NIPSNAP1: variants seen among roughly 807,000 people sequenced by gnomAD.
NIPSNAP1 encodes protein NipSnap homolog 1.
Under a neutral mutation model 49.2 loss-of-function variants are expected in NIPSNAP1, and 25 were observed. The observed-to-expected ratio is 0.51, with a 90% CI of 0.37 to 0.71. The LOEUF (loss-of-function observed/expected upper bound fraction) is 0.71. Among genes scored for constraint, NIPSNAP1 ranks in the 30% least tolerant of loss-of-function variants. The probability of loss-of-function intolerance (pLI) is 0.00; values close to 1 mark genes in which losing one functional copy is unlikely to be tolerated. For missense variants in NIPSNAP1, 294 were observed against 361.0 expected (o/e 0.81, Z 1.50); for synonymous variants, 143 against 140.7 (o/e 1.02, Z -0.12).
At position 29,569,478 on chromosome 22, in the gene NIPSNAP1, C is replaced by T. The variant is rs571198970; in HGVS notation, c.273-191G>A. Reference sequence around the variant, plus strand: ...TACATCCTGGCTGGGCACAGTGGCTCACACCTGTAATCCCAACACTGGGAG... The same window carrying T: ...TACATCCTGGCTGGGCACAGTGGCTTACACCTGTAATCCCAACACTGGGAG... On this transcript the variant is annotated intron_variant, in intron 3 of 9. Transcript: ENST00000216121. Among the ~76,000 whole-genome samples the T allele has an allele frequency of 2.0e-5, 3 of 152,116 alleles. No individual in the cohort carries two copies. In the South Asian group the frequency reaches 6.2e-4, roughly 32 times the overall value.
intron 1 of NIPSNAP1, among the ~76,000 whole-genome samples, chr22:29,577,355 G>C (rs1167603672): frequency 2.0e-5 from 3 of 149,506 alleles, no homozygotes; most frequent in Admixed American, 2.0e-4. Context: ...CAGGTTCAAG[G>C]GATTCTCCTG....
At chr22:29,561,397 C>T (rs556022665) in intron 6 of NIPSNAP1, 109 bp downstream of exon 6, 5 of 1,529,772 alleles carry the variant, frequency 3.3e-6, no homozygotes, top group African/African-American at 2.7e-5. Context: ...GCTCTGAGCC[C>T]ATAGGGAGGG....
intron 1 of NIPSNAP1, among the ~76,000 whole-genome samples, chr22:29,575,497 G>C (rs1288779911): frequency 1.3e-5 from 2 of 152,004 alleles, no homozygotes; most frequent in African/African-American, 4.8e-5. Flanking sequence ...CATCCCCAAG[G>C]GTACATCTGC....
Position 29,556,004 on chromosome 22 carries a change from G to A in NIPSNAP1, c.791-5C>T, listed in dbSNP as rs111625466. Reference sequence around the variant, plus strand: ...CCATGTGTCGCACCAGGGGGACTGCGGAGAGAGAAGGCAGAGGTCACACAG... The same window carrying A: ...CCATGTGTCGCACCAGGGGGACTGCAGAGAGAGAAGGCAGAGGTCACACAG... On this transcript the variant is annotated splice_region_variant and splice_polypyrimidine_tract_variant and intron_variant, in intron 9 of 9. Coordinates refer to ENST00000216121, the MANE Select transcript of NIPSNAP1 (RefSeq NM_003634.4). The A allele has an allele frequency of 3.1e-5, 48 of 1,545,906 alleles. No individual in the cohort carries two copies. In the Admixed American group the frequency reaches 3.4e-4, roughly 11 times the overall value.
Position 29,569,263 on chromosome 22 carries a change from G to A in NIPSNAP1, c.297C>T (p.His99=). 1 of 1,613,958 alleles carries A rather than the reference G, an allele frequency of 6.2e-7. No homozygotes were observed. Among genetic ancestry groups the A allele is most frequent in the East Asian group, 2.2e-5 (1 of 44,868 alleles). The change falls in exon 4 of 10, where the codon CAC becomes CAT. Residue 99 remains histidine (H), a synonymous_variant. Transcript: ENST00000216121. ...GTGAGCATGGGTAGTCCTCATCCAGGTGAAGCTTGGGCAGCACAGCCTCCC... is the reference window on the plus strand; with the variant it reads ...GTGAGCATGGGTAGTCCTCATCCAGATGAAGCTTGGGCAGCACAGCCTCCC... ...SLTEAVLPKL[H]LDEDYPCSLV... is the part of the protein sequence containing the mutation.
chr22:29,578,252 T>G (rs1052051344), intron 1 of NIPSNAP1, among the ~76,000 whole-genome samples: 1 of 150,366 alleles, frequency 6.7e-6, no homozygotes, highest in Non-Finnish European at 1.5e-5. Context: ...GCCAAGCTGG[T>G]CTTGAACTCC....
At position 29,555,833 on chromosome 22, in the gene NIPSNAP1, C is replaced by T. The variant is rs1259426308; in HGVS notation, c.*102G>A. Reference sequence around the variant, plus strand: ...GAACTGAGCACTGCCCCTCAGAGTCCTCCCAGAGCCAAGACAAAACCAAGA... The same window carrying T: ...GAACTGAGCACTGCCCCTCAGAGTCTTCCCAGAGCCAAGACAAAACCAAGA... On this transcript the variant is annotated 3_prime_UTR_variant, in exon 10 of 10. Transcript: ENST00000216121. 2 of 1,079,112 alleles carry T rather than the reference C, an allele frequency of 1.9e-6. No individual in the cohort carries two copies. Among genetic ancestry groups the T allele is most frequent in the African/African-American group, 1.6e-5 (1 of 63,648 alleles). 66.8% of individuals were successfully genotyped at this position (1,079,112 alleles called of 1,614,324 possible).
chr22:29,562,777 A>C (rs942240284), intron 4 of NIPSNAP1, among the ~76,000 whole-genome samples: 13 of 151,996 alleles, frequency 8.6e-5, no homozygotes, highest in African/African-American at 3.1e-4. Context: ...CTTACTTTGC[A>C]TGGAAAACTC....
At position 29,561,804 on chromosome 22, in the gene NIPSNAP1, G is replaced by C; in HGVS notation, c.426C>G (p.Leu142=). ...GACACTAACATACCTTATTGTTTTT[G>C]AGCTTGTTCATGCAGTCCATGAGGG... The part of the protein sequence containing the change: ...YPALMDCMNK[L]KNNKEYLEFR... Residue 142 remains leucine, a synonymous_variant, in exon 5 of 10, where the codon CTC becomes CTG. Coordinates refer to ENST00000216121, the MANE Select transcript of NIPSNAP1 (RefSeq NM_003634.4). The C allele has an allele frequency of 6.2e-7, 1 of 1,614,140 alleles. No homozygotes were observed. The highest frequency in any genetic ancestry group is 8.5e-7 in the Non-Finnish European group (1 of 1,180,032).
chr22:29,577,088 A>AT (rs695823), intron 1 of NIPSNAP1, among the ~76,000 whole-genome samples: 27 of 147,924 alleles, frequency 1.8e-4, no homozygotes, highest in South Asian at 6.4e-4. Flanking sequence ...TTTTTCTTCT[A>AT]TTTTTTTTTT....
intron 4 of NIPSNAP1, among the ~76,000 whole-genome samples, chr22:29,567,094 C>A (rs982943204): frequency 6.6e-6 from 1 of 152,262 alleles, no homozygotes; most frequent in South Asian, 2.1e-4. Context: ...TGTACCCCAG[C>A]CTGGGTGACA....
chr22:29,573,435 A>C (rs919591798), intron 1 of NIPSNAP1, among the ~76,000 whole-genome samples: 1 of 152,074 alleles, frequency 6.6e-6, no homozygotes, highest in Admixed American at 6.6e-5. Context: ...AGGCAGGCGG[A>C]TCACTTGAGC....
In NIPSNAP1 at chr22:29,574,624, C is replaced by A. The variant is rs1601496734; in HGVS notation, c.99-4092G>T. 2.0e-5 allele frequency among the ~76,000 whole-genome samples: 3 copies of A among 151,834 alleles called. 1 individual carries two copies. In the South Asian group the frequency reaches 6.2e-4, roughly 32 times the overall value. On this transcript the variant is annotated intron_variant, in intron 1 of 9. Transcript: ENST00000216121. ...TGAAACTCAGTCTCTACTAAAAATA[C>A]AAAAATTAGCTGGGCATGGTGGTGC...
intron 8 of NIPSNAP1, 24 bp downstream of exon 8, chr22:29,560,710 G>A (rs769479544): frequency 6.3e-7 from 1 of 1,592,082 alleles, no homozygotes; most frequent in East Asian, 2.2e-5. Context: ...CTAACAAAAG[G>A]CTCCTGGAAG....
In NIPSNAP1 at chr22:29,557,188, G is replaced by A. The variant is rs554694955; in HGVS notation, c.791-1189C>T. ...GGCTGGAGTGCAGTGGCAGGTTCTC[G>A]GCTCAATGCAACCTCCGCCTCCTGG... On this transcript the variant is annotated intron_variant, in intron 9 of 9. Transcript: ENST00000216121. Among the ~76,000 whole-genome samples, 163 of 151,138 alleles carry A rather than the reference G, an allele frequency of 1.1e-3. 1 individual carries two copies. The highest frequency in any genetic ancestry group is 3.8e-3 in the African/African-American group (155 of 41,082).
chr22:29,561,497 GGGA>G lies in NIPSNAP1; in HGVS notation c.579+6_579+8del. The G allele has an allele frequency of 6.2e-7, 1 of 1,613,994 alleles. No homozygotes were observed. The highest frequency in any genetic ancestry group is 2.2e-5 in the East Asian group (1 of 44,884). On this transcript the variant is annotated splice_donor_region_variant and intron_variant, in intron 6 of 9. Coordinates refer to ENST00000216121, the MANE Select transcript of NIPSNAP1 (RefSeq NM_003634.4). ...GGGGGGCAGGAGGGGGTCTGTCGGA[GGGA>G]GGCACCTTGAGCTTGTATGTCCTCA...
intron 7 of NIPSNAP1, among the ~76,000 whole-genome samples, 164 bp from the exon 8 acceptor site, chr22:29,560,992 TCACA>T (rs2064331489): frequency 6.6e-6 from 1 of 151,822 alleles, no homozygotes. Flanking sequence ...AACGGAGGGG[TCACA>T]ACCTTCTAGG....
rs573284975 is a variant in NIPSNAP1 at position 29,559,597 on chromosome 22, C to T, written c.707-644G>A. On this transcript the variant is annotated intron_variant, in intron 8 of 9. Coordinates refer to ENST00000216121, the MANE Select transcript of NIPSNAP1 (RefSeq NM_003634.4). The stretch of plus-strand genomic sequence containing the variant: ...AAAATTACGCTCCTGACCCCACTGA[C>T]TTGCTCCTTCCCTAGACCTCCCAGA... Among the ~76,000 whole-genome samples, 8 of 152,104 alleles carry T rather than the reference C, an allele frequency of 5.3e-5. No individual in the cohort carries two copies. The South Asian group carries it at 1.7e-3, about 32-fold the overall frequency.
Position 29,555,366 on chromosome 22 carries a change from G to A in NIPSNAP1, c.*569C>T, listed in dbSNP as rs1201350064. The A allele has an allele frequency of 6.5e-6, 1 of 155,010 alleles. No homozygotes were observed. The highest frequency in any genetic ancestry group is 1.4e-5 in the Non-Finnish European group (1 of 69,542). The allele number at this position is 155,010 out of a possible 1,614,324, so 9.6% of individuals were successfully genotyped here. A position where few individuals can be genotyped will look rare whatever the true frequency, so the allele number is the denominator to read the frequency against. On this transcript the variant is annotated 3_prime_UTR_variant, in exon 10 of 10. Coordinates refer to ENST00000216121, the MANE Select transcript of NIPSNAP1 (RefSeq NM_003634.4). ...CCCATCCCTTTCCCCAGCCCCTCTG[G>A]GCAGAATGTCTGAACCTCCTCCTGA...
Sources: gnomAD v4.1 joint callset for allele counts (sites outside exome capture counted in the v4.1 genomes callset) on GRCh38, gnomAD v4.1.1 for gene constraint, MANE v1.5 for transcripts, NCBI Gene and HGNC (gene_info 2026-07-23, HGNC 2026-07-21) for gene names.